Variants in INTS9 observed in about 807,000 individuals in gnomAD.
INTS9 encodes the protein integrator complex subunit 9.
INTS9 carries 55 observed loss-of-function variants against 79.7 expected under a neutral mutation model. The ratio of observed to expected loss-of-function variants is 0.69; its 90% CI spans 0.56 to 0.86. The LOEUF is 0.86. Ranked by LOEUF, INTS9 falls within the 40% of genes least tolerant of loss-of-function variation. The pLI is 0.00. For missense variants in INTS9, 721 were observed against 831.5 expected (o/e 0.87, Z 1.64); for synonymous variants, 319 against 325.2 (o/e 0.98, Z 0.20).
intron 2 of INTS9, among the ~76,000 whole-genome samples, chr8:28,853,923 G>A (rs959216109): frequency 1.3e-5 from 2 of 151,984 alleles, no homozygotes; most frequent in Non-Finnish European, 1.5e-5. Flanking sequence ...GTTTCACTGC[G>A]TTAACCAGGA....
In INTS9 at chr8:28,767,984, A is replaced by G. The variant is rs559002425; in HGVS notation, c.*162T>C. On this transcript the variant is annotated 3_prime_UTR_variant, in exon 17 of 17. Coordinates refer to ENST00000521022, the MANE Select transcript of INTS9 (RefSeq NM_018250.4). Reference sequence around the variant, plus strand: ...GTTCTTGCCTGAAACAGTGCTGGGAATAAGTCCAGACCATTTCCCTCAAGA... The same window carrying G: ...GTTCTTGCCTGAAACAGTGCTGGGAGTAAGTCCAGACCATTTCCCTCAAGA... 14 of 681,832 alleles carry G rather than the reference A, an allele frequency of 2.1e-5. No homozygotes were observed. The highest frequency in any genetic ancestry group is 5.3e-5 in the African/African-American group (3 of 56,226). 42.2% of individuals were successfully genotyped at this position (681,832 alleles called of 1,614,324 possible). A position where few individuals can be genotyped will look rare whatever the true frequency, so the allele number is the denominator to read the frequency against.
At chr8:28,810,169 G>GT (rs1805027982) in intron 8 of INTS9, 1 of 152,460 alleles carries the variant, frequency 6.6e-6, no homozygotes, top group Non-Finnish European at 1.5e-5. Context: ...ACCCCACAGA[G>GT]TGACATGGTA....
chr8:28,839,386 A>G (rs1266308283), intron 4 of INTS9, among the ~76,000 whole-genome samples: 4 of 151,970 alleles, frequency 2.6e-5, no homozygotes, highest in Non-Finnish European at 5.9e-5. Context: ...TATAGATTCA[A>G]TGCCATCCCC....
chr8:28,785,719 G>T (rs565120601), intron 11 of INTS9, among the ~76,000 whole-genome samples: 1 of 152,084 alleles, frequency 6.6e-6, no homozygotes, highest in African/African-American at 2.4e-5. Flanking sequence ...CTGCTCCCAG[G>T]CCCTCTGTGT....
intron 8 of INTS9, among the ~76,000 whole-genome samples, chr8:28,801,712 A>G (rs991176490): frequency 2.0e-5 from 3 of 152,162 alleles, no homozygotes; most frequent in African/African-American, 7.2e-5. Context: ...CCTTGGGCTA[A>G]AGTAAGACTC....
intron 5 of INTS9, 85 bp from the exon 6 acceptor site, chr8:28,835,463 A>ATAC: frequency 6.8e-6 from 5 of 738,972 alleles, no homozygotes; most frequent in Admixed American, 2.5e-5. Flanking sequence ...AGGAGAAATG[A>ATAC]CTTGCCCACC....
chr8:28,786,955 G>C (rs1483644640), intron 11 of INTS9, among the ~76,000 whole-genome samples: 1 of 152,154 alleles, frequency 6.6e-6, no homozygotes, highest in Non-Finnish European at 1.5e-5. Context: ...CTGACCTTGT[G>C]ATCCACCCGC....
chr8:28,809,627 G>A (rs1804994343), intron 8 of INTS9, among the ~76,000 whole-genome samples: 1 of 152,144 alleles, frequency 6.6e-6, no homozygotes, highest in Non-Finnish European at 1.5e-5. Flanking sequence ...CAATAGTACT[G>A]TAAAGGCTTT....
Position 28,880,255 on chromosome 8 carries a change from CCTCTCCCTCTCCCTCTCCCTCT to C in INTS9, c.9+9597_9+9618del, listed in dbSNP as rs1185764446. Among the ~76,000 whole-genome samples the C allele has an allele frequency of 4.4e-5, 6 of 134,982 alleles. No homozygotes were observed. The East Asian group carries it at 1.3e-3, about 29-fold the overall frequency. The allele number at this position is 134,982 out of a possible 152,430, so 88.6% of individuals were successfully genotyped here. ...CCCTCTCCCTCTCCCTCTCCCTCTC[CCTCTCCCTCTCCCTCTCCCTCT>C]CTCTCCCTCCACGGTCTCCCTCTGA... is the stretch of plus-strand genomic sequence containing the variant. On this transcript the variant is annotated intron_variant, in intron 1 of 16. Coordinates refer to ENST00000521022, the MANE Select transcript of INTS9 (RefSeq NM_018250.4).
chr8:28,804,883 G>A (rs1021847740), intron 8 of INTS9, among the ~76,000 whole-genome samples: 3 of 152,210 alleles, frequency 2.0e-5, no homozygotes, highest in Non-Finnish European at 4.4e-5. Flanking sequence ...TAGATAGGCT[G>A]AGGAGCAGCA....
intron 6 of INTS9, among the ~76,000 whole-genome samples, chr8:28,822,303 C>CT (rs35442249): frequency 7.3e-5 from 11 of 150,182 alleles, no homozygotes; most frequent in Non-Finnish European, 1.6e-4. Context: ...GGGTAGAAAA[C>CT]TTTTTTTTTT....
At chr8:28,790,620 G>C (rs1486471012) in intron 10 of INTS9, among the ~76,000 whole-genome samples, 2 of 152,148 alleles carry the variant, frequency 1.3e-5, no homozygotes, top group East Asian at 1.9e-4. Context: ...GAGCCACCCT[G>C]ATCGGCCTCT....
intron 4 of INTS9, among the ~76,000 whole-genome samples, chr8:28,844,935 T>G (rs1807418976): frequency 6.6e-6 from 1 of 152,226 alleles, no homozygotes; most frequent in Non-Finnish European, 1.5e-5. Context: ...TTTTCTTAAG[T>G]TTTTTGCTAT....
intron 6 of INTS9, among the ~76,000 whole-genome samples, chr8:28,826,709 A>G (rs938187770): frequency 2.0e-5 from 3 of 152,170 alleles, no homozygotes; most frequent in African/African-American, 7.2e-5. Context: ...CCTGCTTGGA[A>G]TGGTCTCTTT....
At chr8:28,779,197 T>A (rs1803088287) in intron 12 of INTS9, among the ~76,000 whole-genome samples, 1 of 152,080 alleles carries the variant, frequency 6.6e-6, no homozygotes, top group Non-Finnish European at 1.5e-5. Flanking sequence ...CTGGACAACC[T>A]CCTAATTAAT....
chr8:28,781,024 T>C (rs1803232034), intron 11 of INTS9, 30 bp from the exon 12 acceptor site: 2 of 1,585,942 alleles, frequency 1.3e-6, no homozygotes, highest in Non-Finnish European at 8.6e-7. Flanking sequence ...TACAAAGAAA[T>C]GTGAGCCTGC....
chr8:28,769,206 GATAGAAAGTTC>G (rs1380572536), intron 16 of INTS9, among the ~76,000 whole-genome samples: 3 of 152,196 alleles, frequency 2.0e-5, no homozygotes, highest in Non-Finnish European at 4.4e-5. Context: ...ATTTACATTG[GATAGAAAGTTC>G]ATAGAAATCT....
chr8:28,846,205 C>T (rs986660326), intron 4 of INTS9, among the ~76,000 whole-genome samples: 4 of 152,180 alleles, frequency 2.6e-5, no homozygotes, highest in African/African-American at 9.7e-5. Flanking sequence ...GGAAACTGAT[C>T]TTAGTTTCCT....
chr8:28,816,551 C>T (rs1215869173), intron 6 of INTS9, among the ~76,000 whole-genome samples: 1 of 149,634 alleles, frequency 6.7e-6, no homozygotes, highest in African/African-American at 2.5e-5. Flanking sequence ...TCCAGTCTAT[C>T]ATTGTTGGAC....
Sources: allele counts gnomAD v4.1 joint callset (sites outside exome capture counted in the v4.1 genomes callset), GRCh38; gene constraint gnomAD v4.1.1; transcripts MANE v1.5; gene names NCBI Gene and HGNC (gene_info 2026-07-23, HGNC 2026-07-21).